ACSS1: variants seen among roughly 807,000 people sequenced by gnomAD.
ACSS1 encodes acetyl-coenzyme A synthetase 2-like, mitochondrial.
In ACSS1, 42 loss-of-function variants were observed where a neutral mutation model predicts 75.3. The observed-to-expected ratio is 0.56, with a 90% confidence interval of 0.44 to 0.72. The LOEUF (loss-of-function observed/expected upper bound fraction) is 0.72, where lower values mean the gene tolerates loss of function less well. Among genes scored for constraint, ACSS1 ranks in the 30% least tolerant of loss-of-function variants. The pLI is 0.00. For synonymous variants in ACSS1, 380 were observed against 376.8 expected (o/e 1.01, Z -0.10); for missense variants, 782 against 935.7 (o/e 0.84, Z 2.14).
At position 25,033,797 on chromosome 20, in the gene ACSS1, G is replaced by T. The variant is rs534139781; in HGVS notation, c.432-2839C>A. 2.0e-5 allele frequency among the ~76,000 whole-genome samples: 3 copies of T among 152,352 alleles called. No individual in the cohort carries two copies. The East Asian group carries it at 5.8e-4, about 29-fold the overall frequency. ...GTGGCAGGGAAGGGCAGCAGGGAGA[G>T]CTTTCTGGATAGATTGGCTGTTGGG... On this transcript the variant is annotated intron_variant, in intron 2 of 13. Coordinates refer to ENST00000323482, the MANE Select transcript of ACSS1 (RefSeq NM_032501.4).
intron 9 of ACSS1, 27 bp downstream of exon 9, chr20:25,013,934 C>A (rs2088467967): frequency 1.3e-6 from 2 of 1,598,230 alleles, no homozygotes; most frequent in Non-Finnish European, 1.7e-6. Context: ...AGCACATGAC[C>A]CCCATGTGGG....
rs116813636 is a variant in ACSS1 at position 25,020,812 on chromosome 20, A to G, written c.1108+577T>C. ...TGCACAGTTGTCAGTGCCATGGAAC[A>G]CTGGAGCAGCAGCCTTTGGGCAGAG... On this transcript the variant is annotated intron_variant, in intron 6 of 13. Coordinates refer to ENST00000323482, the MANE Select transcript of ACSS1 (RefSeq NM_032501.4). Among the ~76,000 whole-genome samples the G allele has an allele frequency of 2.5e-3, 387 of 152,396 alleles. 1 individual carries two copies. Among genetic ancestry groups the G allele is most frequent in the African/African-American group, 9.1e-3 (378 of 41,604 alleles).
chr20:25,019,134 T>G (rs558495897), intron 7 of ACSS1, among the ~76,000 whole-genome samples: 4 of 152,342 alleles, frequency 2.6e-5, no homozygotes, highest in Admixed American at 2.6e-4. Flanking sequence ...CACTCTTCCA[T>G]GGTCACTGCC....
chr20:25,033,060 T>C (rs1052432758), intron 2 of ACSS1, among the ~76,000 whole-genome samples: 1 of 152,220 alleles, frequency 6.6e-6, no homozygotes, highest in African/African-American at 2.4e-5. Flanking sequence ...CACCAAGCTC[T>C]ACAGAATCTA....
At position 25,058,072 on chromosome 20, in the gene ACSS1, C is replaced by T; in HGVS notation, c.31G>A (p.Gly11Arg). The change falls in exon 1 of 14, where the codon GGG becomes AGG. Residue 11 changes from glycine (G) to arginine (R), a missense_variant. Gly to Arg is a moderately radical substitution (Grantham distance 125, BLOSUM62 -2). Around this residue, in one of 2 missense-constraint regions of ACSS1, gnomAD observed 377 missense variants for 383.1 expected, o/e 0.98. Transcript: ENST00000323482. MAARTLGRGV[G>R]RLLGSLRGLS... ...CCTCGCAGGCTGCCCAGCAGCCTCCCGACGCCGCGGCCCAGGGTGCGCGCC... is the reference window on the plus strand; with the variant it reads ...CCTCGCAGGCTGCCCAGCAGCCTCCTGACGCCGCGGCCCAGGGTGCGCGCC... The T allele has an allele frequency of 1.6e-6, 2 of 1,270,404 alleles. No homozygotes were observed. Among genetic ancestry groups the T allele is most frequent in the South Asian group, 5.6e-5 (2 of 35,700 alleles). 78.7% of individuals were successfully genotyped at this position (1,270,404 alleles called of 1,614,324 possible). A position where few individuals can be genotyped will look rare whatever the true frequency, so the allele number is the denominator to read the frequency against.
chr20:25,027,790 A>T (rs1271249771), intron 3 of ACSS1, among the ~76,000 whole-genome samples: 1 of 151,848 alleles, frequency 6.6e-6, no homozygotes, highest in African/African-American at 2.4e-5. Flanking sequence ...AAAAAAAAAA[A>T]AAAAAAAGAA....
chr20:25,020,578 C>T (rs1425872686), intron 6 of ACSS1, among the ~76,000 whole-genome samples: 2 of 152,210 alleles, frequency 1.3e-5, no homozygotes, highest in East Asian at 1.9e-4. Context: ...GCCATGTGCC[C>T]GGCATGCACA....
At chr20:25,023,992 G>A (rs956942078) in intron 3 of ACSS1, among the ~76,000 whole-genome samples, 1 of 152,172 alleles carries the variant, frequency 6.6e-6, no homozygotes, top group Admixed American at 6.5e-5. Context: ...AGGCCATCAT[G>A]CCACCTGCAG....
chr20:25,050,998 C>A (rs1000176140), intron 1 of ACSS1, among the ~76,000 whole-genome samples: 2 of 152,154 alleles, frequency 1.3e-5, no homozygotes, highest in African/African-American at 4.8e-5. Context: ...AGGTGCCTCG[C>A]CACATGCAGA....
chr20:25,009,623 C>A (rs1277967897), intron 12 of ACSS1: 5 of 523,144 alleles, frequency 9.6e-6, no homozygotes, highest in African/African-American at 1.9e-5. Context: ...ACATGTGTGG[C>A]TGAGAGCTTG....
chr20:25,018,698 C>A (rs1019256316), intron 7 of ACSS1, among the ~76,000 whole-genome samples: 7 of 152,344 alleles, frequency 4.6e-5, no homozygotes, highest in Admixed American at 4.6e-4. Flanking sequence ...AAGATAAAGG[C>A]ATTTAATACA....
intron 1 of ACSS1, among the ~76,000 whole-genome samples, chr20:25,056,902 T>C (rs1253161753): frequency 1.3e-5 from 2 of 152,066 alleles, no homozygotes; most frequent in Non-Finnish European, 2.9e-5. Flanking sequence ...GCACCCACCC[T>C]GCGTGGCCAG....
In ACSS1 at chr20:25,022,979, G is replaced by A; in HGVS notation, c.921C>T (p.Thr307=). 1 of 1,614,036 alleles carries A rather than the reference G, an allele frequency of 6.2e-7. No homozygotes were observed. The highest frequency in any genetic ancestry group is 1.1e-5 in the South Asian group (1 of 91,078). ...STGMPKGIVH[T]QAGYLLYAAL... ...CGGCATAGAGCAGGTAGCCTGCCTG[G>A]GTATGGACGATGCCCTTGGGCATTC... Residue 307 remains threonine (T), a synonymous_variant, in exon 5 of 14, where the codon ACC becomes ACT. Coordinates refer to ENST00000323482, the MANE Select transcript of ACSS1 (RefSeq NM_032501.4).
At chr20:25,038,764 G>T (rs1306975850) in intron 2 of ACSS1, among the ~76,000 whole-genome samples, 2 of 152,158 alleles carry the variant, frequency 1.3e-5, no homozygotes. Context: ...CAGTCTGGGG[G>T]TTCCAGGCAC....
At chr20:25,037,631 T>G (rs747152275) in intron 2 of ACSS1, among the ~76,000 whole-genome samples, 2 of 152,256 alleles carry the variant, frequency 1.3e-5, no homozygotes, top group African/African-American at 4.8e-5. Flanking sequence ...ATTCCTATGC[T>G]GTCTCTAGAA....
At chr20:25,037,908 G>A (rs1231536813) in intron 2 of ACSS1, among the ~76,000 whole-genome samples, 1 of 152,208 alleles carries the variant, frequency 6.6e-6, no homozygotes, top group African/African-American at 2.4e-5. Flanking sequence ...TGCTCACTCT[G>A]CTGAGAGAAC....
intron 12 of ACSS1, 100 bp downstream of exon 12, chr20:25,012,501 C>T: frequency 7.1e-7 from 1 of 1,412,138 alleles, no homozygotes; most frequent in Non-Finnish European, 1.0e-6. Flanking sequence ...CCACAGTATC[C>T]CCTATCACTC....
intron 2 of ACSS1, among the ~76,000 whole-genome samples, chr20:25,044,922 A>T (rs577022861): frequency 1.3e-5 from 2 of 152,296 alleles, no homozygotes; most frequent in East Asian, 3.9e-4. Context: ...TTCACCTCCC[A>T]GTGGGAATTG....
chr20:25,021,394 T>C lies in ACSS1; in HGVS notation c.1103A>G (p.Asn368Ser), dbSNP rs2088622175. Reference protein sequence around the residue: ...VLFESTPVYPNAGRYWETVER... With the variant: ...VLFESTPVYPSAGRYWETVER... Reference sequence around the variant, plus strand: ...ACAGGGTTCACCATCCTTACCAGCATTGGGATAAACTGGGGTGCTCTCAAA... The same window carrying C: ...ACAGGGTTCACCATCCTTACCAGCACTGGGATAAACTGGGGTGCTCTCAAA... The change falls in exon 6 of 14, where the codon AAT (asparagine) becomes AGT (serine). Residue 368 changes from asparagine to serine, a missense_variant. Physicochemically the swap from Asn to Ser is conservative, Grantham distance 46. Coordinates refer to ENST00000323482, the MANE Select transcript of ACSS1 (RefSeq NM_032501.4). The C allele has an allele frequency of 2.5e-6, 4 of 1,614,012 alleles. No individual in the cohort carries two copies. Among genetic ancestry groups the C allele is most frequent in the Non-Finnish European group, 3.4e-6 (4 of 1,179,912 alleles).
Sources: allele counts gnomAD v4.1 joint callset (sites outside exome capture counted in the v4.1 genomes callset), GRCh38; gene constraint gnomAD v4.1.1; regional missense constraint gnomAD v4.1.1; transcripts MANE v1.5; gene names NCBI Gene and HGNC (gene_info 2026-07-23, HGNC 2026-07-21).